The following ERBB4 variants were observed in gnomAD, a reference collection of about 807,000 sequenced individuals.
The protein encoded by ERBB4 is receptor tyrosine-protein kinase erbB-4.
ERBB4 carries 42 observed loss-of-function variants against 158.0 expected under a neutral mutation model. The observed-to-expected ratio is 0.27, with a 90% CI of 0.21 to 0.34. The LOEUF (loss-of-function observed/expected upper bound fraction) is 0.34. ERBB4 is among the 10% of genes least tolerant of loss of function. The pLI, the probability that ERBB4 is intolerant of heterozygous loss-of-function variation, is 1.00. For synonymous variants in ERBB4, 583 were observed against 558.7 expected, an observed-to-expected ratio of 1.04 and a Z score of -0.61; for missense variants, 1,333 against 1,624.1, an observed-to-expected ratio of 0.82 and a Z score of 3.08.
chr2:212,225,378 C>G (rs2083438261), intron 1 of ERBB4, among the ~76,000 whole-genome samples: 1 of 151,918 alleles, frequency 6.6e-6, no homozygotes, highest in Non-Finnish European at 1.5e-5. Context: ...TTCATTGCTA[C>G]CATTTACATG....
intron 2 of ERBB4, among the ~76,000 whole-genome samples, chr2:212,034,267 A>C (rs964634632): frequency 2.0e-5 from 3 of 151,884 alleles, no homozygotes; most frequent in African/African-American, 4.8e-5. Context: ...ACCTACATTC[A>C]CTTTGTGTGA....
chr2:212,528,714 C>A (rs1411903463), intron 1 of ERBB4, among the ~76,000 whole-genome samples: 9 of 152,114 alleles, frequency 5.9e-5, no homozygotes, highest in Admixed American at 5.9e-4. Context: ...AAAGAAATGT[C>A]TAGAAGTGCA....
At chr2:211,389,249 A>G (rs1324006460) in intron 25 of ERBB4, among the ~76,000 whole-genome samples, 1 of 152,104 alleles carries the variant, frequency 6.6e-6, no homozygotes, top group Non-Finnish European at 1.5e-5. Flanking sequence ...GTTAGCCAGG[A>G]TAGTCTCAAT....
At position 212,139,016 on chromosome 2, in the gene ERBB4, G is replaced by A. The variant is rs114634684; in HGVS notation, c.83-14113C>T. On this transcript the variant is annotated intron_variant, in intron 1 of 27. Coordinates refer to ENST00000342788, the MANE Select transcript of ERBB4 (RefSeq NM_005235.3). The stretch of plus-strand genomic sequence containing the variant: ...TGGGACTTCAGAGATCACATGGATA[G>A]TTACTTAATTTGGAGTGTTTTCCCA... Among the ~76,000 whole-genome samples, 728 of 152,196 alleles carry A rather than the reference G, an allele frequency of 4.8e-3. 2 individuals are homozygous for A. Among genetic ancestry groups the A allele is most frequent in the South Asian group, 7.2e-3 (35 of 4,828 alleles).
intron 1 of ERBB4, among the ~76,000 whole-genome samples, chr2:212,147,972 T>G (rs1214485199): frequency 6.6e-6 from 1 of 152,186 alleles, no homozygotes; most frequent in Non-Finnish European, 1.5e-5. Flanking sequence ...CACTGTAATA[T>G]CAGATGACTA....
rs111326731 is a variant in ERBB4, at chr2:212,486,735, C to T, written c.82+51714G>A. Among the ~76,000 whole-genome samples the T allele has an allele frequency of 2.8e-3, 428 of 152,166 alleles. 3 individuals are homozygous for T. The highest frequency in any genetic ancestry group is 9.6e-3 in the African/African-American group (398 of 41,536). On this transcript the variant is annotated intron_variant, in intron 1 of 27. Coordinates refer to ENST00000342788, the MANE Select transcript of ERBB4 (RefSeq NM_005235.3). ...CTCAGGGCAGACAGAAATATAAACA[C>T]AACAGAGTGAAATCCAAAGACTCTG...
chr2:211,556,706 T>C (rs528057145), intron 20 of ERBB4, among the ~76,000 whole-genome samples: 2 of 151,874 alleles, frequency 1.3e-5, no homozygotes, highest in Non-Finnish European at 2.9e-5. Flanking sequence ...GCAATAAAAA[T>C]GAAATTCAGG....
chr2:211,861,046 TATTTATATATATATAA>T (rs2078010714), intron 3 of ERBB4, among the ~76,000 whole-genome samples: 2 of 12,178 alleles, frequency 1.6e-4, no homozygotes, highest in South Asian at 2.0e-3. Flanking sequence ...TATATTTATA[TATTTATATATATATAA>T]ATATAATATA....
intron 9 of ERBB4, among the ~76,000 whole-genome samples, chr2:211,710,107 T>C (rs572948611): frequency 2.0e-5 from 3 of 152,160 alleles, no homozygotes; most frequent in Non-Finnish European, 4.4e-5. Flanking sequence ...TTAGGTTACA[T>C]TATCTATAAA....
intron 25 of ERBB4, among the ~76,000 whole-genome samples, chr2:211,413,305 T>TAAAAAAAA (rs768289370): frequency 3.5e-5 from 2 of 56,946 alleles, no homozygotes; most frequent in African/African-American, 1.5e-4. Flanking sequence ...GACCCTGTCT[T>TAAAAAAAA]AAAAACACAC....
chr2:211,380,088 A>G lies in ERBB4; in HGVS notation c.*3527T>C, dbSNP rs148911552. 1 of 232,128 alleles carries G rather than the reference A, an allele frequency of 4.3e-6. No individual in the cohort carries two copies. The highest frequency in any genetic ancestry group is 6.1e-5 in the East Asian group (1 of 16,410). 14.4% of individuals were successfully genotyped at this position (232,128 alleles called of 1,614,324 possible). ...TATTCAGTCCTTCTCCCTAATCTAC[A>G]AAAAAGAATCACTTGATTTTAGTTT... is the stretch of plus-strand genomic sequence containing the variant. On this transcript the variant is annotated 3_prime_UTR_variant, in exon 28 of 28. Transcript: ENST00000342788.
At chr2:211,789,172 T>TC (rs2076229929) in intron 3 of ERBB4, among the ~76,000 whole-genome samples, 1 of 152,158 alleles carries the variant, frequency 6.6e-6, no homozygotes, top group South Asian at 2.1e-4. Context: ...GTACCACATT[T>TC]CCCCTTCCTG....
intron 20 of ERBB4, among the ~76,000 whole-genome samples, chr2:211,547,234 T>C (rs530075125): frequency 6.6e-6 from 1 of 152,200 alleles, no homozygotes; most frequent in South Asian, 2.1e-4. Flanking sequence ...GAATCTACAA[T>C]TATTTCAAAA....
chr2:212,467,153 T>C (rs1359115704), intron 1 of ERBB4, among the ~76,000 whole-genome samples: 3 of 152,172 alleles, frequency 2.0e-5, no homozygotes, highest in African/African-American at 2.4e-5. Flanking sequence ...AAACAGAGTA[T>C]AAAAGTTTGG....
chr2:211,671,245 A>C (rs72945039), intron 14 of ERBB4, among the ~76,000 whole-genome samples: 17,220 of 152,168 alleles, frequency 0.11, 1,394 homozygotes, highest in Non-Finnish European at 0.17. Context: ...GCAACTTCTT[A>C]ATTTTTGAGA....
At chr2:211,552,525 T>G (rs1010215703) in intron 20 of ERBB4, among the ~76,000 whole-genome samples, 4 of 151,996 alleles carry the variant, frequency 2.6e-5, no homozygotes, top group Admixed American at 1.3e-4. Flanking sequence ...GAATCACCCT[T>G]TCAACTAGTT....
At chr2:212,309,078 T>A (rs554203614) in intron 1 of ERBB4, among the ~76,000 whole-genome samples, 2 of 151,002 alleles carry the variant, frequency 1.3e-5, no homozygotes, top group East Asian at 3.9e-4. Flanking sequence ...CACAGAACAC[T>A]AAATTAGAAG....
In ERBB4 at chr2:211,716,405, A is replaced by G. The variant is rs1384956587; in HGVS notation, c.884-2757T>C. Among the ~76,000 whole-genome samples, 331 of 141,292 alleles carry G rather than the reference A, an allele frequency of 2.3e-3. 8 individuals carry two copies. Among genetic ancestry groups the G allele is most frequent in the South Asian group, 1.6e-3 (7 of 4,332 alleles). The allele number at this position is 141,292 out of a possible 152,430, so 92.7% of individuals were successfully genotyped here. A position where few individuals can be genotyped will look rare whatever the true frequency, so the allele number is the denominator to read the frequency against. On this transcript the variant is annotated intron_variant, in intron 7 of 27. Coordinates refer to ENST00000342788, the MANE Select transcript of ERBB4 (RefSeq NM_005235.3). ...AAAAAAAAAAAAAAAGGCCGGGCGC[A>G]GTGGCTCACGCCTGTAATCCCAGCA... is the stretch of plus-strand genomic sequence containing the variant.
chr2:212,365,837 A>G (rs945551420), intron 1 of ERBB4, among the ~76,000 whole-genome samples: 2 of 152,062 alleles, frequency 1.3e-5, no homozygotes, highest in South Asian at 2.1e-4. Flanking sequence ...CTGTAAGTAC[A>G]TACTGAGGAG....
Sources: allele counts gnomAD v4.1 joint callset (sites outside exome capture counted in the v4.1 genomes callset), GRCh38; gene constraint gnomAD v4.1.1; transcripts MANE v1.5; gene names NCBI Gene and HGNC (gene_info 2026-07-23, HGNC 2026-07-21).